Variants in DLG2 observed in about 807,000 individuals in gnomAD.
DLG2 encodes disks large homolog 2.
A neutral mutation model predicts 132.5 loss-of-function variants in DLG2; 45 were observed. The ratio of observed to expected loss-of-function variants is 0.34; its 90% CI spans 0.27 to 0.44. The LOEUF (loss-of-function observed/expected upper bound fraction) is 0.44. Among genes scored for constraint, DLG2 ranks in the 20% least tolerant of loss-of-function variants. DLG2 has a pLI of 1.00. For synonymous variants in DLG2, 424 were observed against 419.6 expected (o/e 1.01, Z -0.13); for missense variants, 1,045 against 1,196.9 (o/e 0.87, Z 1.87).
chr11:85,007,621 G>C (rs1391871619), intron 6 of DLG2, among the ~76,000 whole-genome samples: 1 of 140,506 alleles, frequency 7.1e-6, no homozygotes, highest in Non-Finnish European at 1.5e-5. Flanking sequence ...AGCCGTGATT[G>C]GCCACTGCAC....
At chr11:83,909,754 G>C (rs970400553) in intron 15 of DLG2, among the ~76,000 whole-genome samples, 2 of 152,138 alleles carry the variant, frequency 1.3e-5, no homozygotes, top group Non-Finnish European at 2.9e-5. Flanking sequence ...ATGATTACTG[G>C]TTGAGGGAAA....
At chr11:84,126,517 T>G (rs1396901217) in intron 9 of DLG2, among the ~76,000 whole-genome samples, 2 of 152,070 alleles carry the variant, frequency 1.3e-5, no homozygotes, top group Non-Finnish European at 1.5e-5. Flanking sequence ...AGACAAAATA[T>G]TGATGGGTTG....
At chr11:84,262,416 T>G (rs1419213232) in intron 7 of DLG2, among the ~76,000 whole-genome samples, 1 of 152,168 alleles carries the variant, frequency 6.6e-6, no homozygotes, top group Non-Finnish European at 1.5e-5. Flanking sequence ...TTCTCAAACT[T>G]TCCAGATAAA....
intron 12 of DLG2, among the ~76,000 whole-genome samples, chr11:83,967,662 T>C (rs1053205863): frequency 1.3e-5 from 2 of 148,528 alleles, no homozygotes; most frequent in Admixed American, 1.3e-4. Context: ...TGGTTTGCAA[T>C]TTTTTCCCAA....
At chr11:85,061,691 T>C (rs144410296) in intron 6 of DLG2, among the ~76,000 whole-genome samples, 20 of 151,866 alleles carry the variant, frequency 1.3e-4, no homozygotes, top group African/African-American at 4.8e-4. Context: ...TCCTAAGAAA[T>C]TGTGAACGAC....
intron 19 of DLG2, among the ~76,000 whole-genome samples, chr11:83,576,375 T>C (rs954643252): frequency 1.3e-5 from 2 of 152,100 alleles, no homozygotes; most frequent in Non-Finnish European, 2.9e-5. Context: ...TCATGACCAA[T>C]AATTTTCCAA....
intron 19 of DLG2, among the ~76,000 whole-genome samples, chr11:83,566,712 GGTGTGTGTGTGTGTGTGT>G (rs59829516): frequency 2.4e-4 from 34 of 143,952 alleles, no homozygotes; most frequent in African/African-American, 4.3e-4. Context: ...CAGAGGGCAT[GGTGTGTGTGTGTGTGTGT>G]GTGTGTGTGT....
chr11:83,897,983 C>G (rs993118476), intron 15 of DLG2, among the ~76,000 whole-genome samples: 4 of 152,080 alleles, frequency 2.6e-5, no homozygotes, highest in African/African-American at 9.7e-5. Context: ...GTCACAAAAA[C>G]TAGTAAGAGA....
At chr11:83,894,356 G>T (rs990081267) in intron 15 of DLG2, among the ~76,000 whole-genome samples, 2 of 152,124 alleles carry the variant, frequency 1.3e-5, no homozygotes, top group African/African-American at 4.8e-5. Flanking sequence ...AAAAGAAAGA[G>T]AAGCAAAAAT....
intron 19 of DLG2, among the ~76,000 whole-genome samples, chr11:83,577,755 A>C (rs1349056344): frequency 7.8e-6 from 1 of 127,462 alleles, no homozygotes; most frequent in Non-Finnish European, 1.6e-5. Flanking sequence ...ATAAATATAT[A>C]ATTATTAAAT....
intron 3 of DLG2, among the ~76,000 whole-genome samples, chr11:85,512,125 A>C (rs1259308339): frequency 6.6e-6 from 1 of 152,034 alleles, no homozygotes; most frequent in Non-Finnish European, 1.5e-5. Flanking sequence ...GTCCATTGCC[A>C]AAGAACAGGT....
At chr11:85,082,636 G>T (rs943328912) in intron 6 of DLG2, among the ~76,000 whole-genome samples, 1 of 151,764 alleles carries the variant, frequency 6.6e-6, no homozygotes, top group Non-Finnish European at 1.5e-5. Flanking sequence ...AGCAAAAAGG[G>T]AAGGAGGAAA....
intron 3 of DLG2, among the ~76,000 whole-genome samples, chr11:85,462,462 T>C (rs958165705): frequency 7.9e-5 from 12 of 152,214 alleles, no homozygotes; most frequent in Non-Finnish European, 1.3e-4. Context: ...CAGGGAATAC[T>C]ATGCAGCCAT....
intron 7 of DLG2, among the ~76,000 whole-genome samples, chr11:84,328,677 A>G (rs1441044029): frequency 1.3e-5 from 2 of 152,224 alleles, no homozygotes; most frequent in Non-Finnish European, 2.9e-5. Flanking sequence ...AAAATAAACC[A>G]GAGTCTGACT....
At chr11:85,490,834 G>A (rs79871467) in intron 3 of DLG2, among the ~76,000 whole-genome samples, 5,399 of 151,944 alleles carry the variant, frequency 0.036, 145 homozygotes, top group Admixed American at 0.053. Flanking sequence ...AAGATGAATT[G>A]TACCAAAAGT....
intron 21 of DLG2, among the ~76,000 whole-genome samples, chr11:83,496,198 A>G (rs1468505935): frequency 1.3e-5 from 2 of 150,786 alleles, no homozygotes; most frequent in African/African-American, 4.8e-5. Context: ...ATATATATAT[A>G]TATATAAGTG....
chr11:84,498,003 A>G (rs2154501483), intron 7 of DLG2, among the ~76,000 whole-genome samples: 1 of 152,304 alleles, frequency 6.6e-6, no homozygotes, highest in African/African-American at 2.4e-5. Flanking sequence ...CCAAGTACAC[A>G]TGAAAGGGCA....
chr11:83,662,538 A>G (rs1306273388), intron 18 of DLG2, among the ~76,000 whole-genome samples: 1 of 152,204 alleles, frequency 6.6e-6, no homozygotes, highest in African/African-American at 2.4e-5. Context: ...GCTCTATGGA[A>G]TGCATCAATA....
intron 6 of DLG2, among the ~76,000 whole-genome samples, chr11:85,026,825 A>G (rs1271916208): frequency 6.6e-6 from 1 of 152,104 alleles, no homozygotes; most frequent in East Asian, 1.9e-4. Context: ...TGAGAGAGCA[A>G]GACTCTGTCT....
Sources: gnomAD v4.1 joint callset for allele counts (sites outside exome capture counted in the v4.1 genomes callset) on GRCh38, gnomAD v4.1.1 for gene constraint, MANE v1.5 for transcripts, NCBI Gene and HGNC (gene_info 2026-07-23, HGNC 2026-07-21) for gene names.